Variants in SEMA3C observed in about 807,000 individuals in gnomAD.
SEMA3C encodes the protein semaphorin-3C.
Under a neutral mutation model 89.4 loss-of-function variants are expected in SEMA3C, and 47 were observed. The ratio of observed to expected loss-of-function variants is 0.53; its 90% CI spans 0.42 to 0.67. The LOEUF (loss-of-function observed/expected upper bound fraction) is 0.67. Ranked by LOEUF, SEMA3C falls within the 30% of genes least tolerant of loss-of-function variation. The pLI is 0.00. For missense variants in SEMA3C, 839 were observed against 929.1 expected, an observed-to-expected ratio of 0.90 and a Z score of 1.26; for synonymous variants, 310 against 320.2, an observed-to-expected ratio of 0.97 and a Z score of 0.34.
intron 2 of SEMA3C, among the ~76,000 whole-genome samples, chr7:80,840,984 C>T (rs897143893): frequency 6.6e-6 from 1 of 152,046 alleles, no homozygotes; most frequent in African/African-American, 2.4e-5. Flanking sequence ...TAGAAACCCT[C>T]AGGTGGGAGA....
chr7:80,813,530 C>A (rs1478608936), intron 5 of SEMA3C, among the ~76,000 whole-genome samples: 3 of 152,198 alleles, frequency 2.0e-5, no homozygotes, highest in African/African-American at 7.2e-5. Context: ...ACTAAACACA[C>A]AAATATCATA....
At chr7:80,917,658 C>T (rs1280830019) in intron 1 of SEMA3C, among the ~76,000 whole-genome samples, 1 of 152,156 alleles carries the variant, frequency 6.6e-6, no homozygotes, top group Middle Eastern at 3.2e-3. Flanking sequence ...TAATGTGTTA[C>T]CATAAACCTA....
At chr7:80,887,091 T>A (rs1342378068) in intron 2 of SEMA3C, among the ~76,000 whole-genome samples, 1 of 152,182 alleles carries the variant, frequency 6.6e-6, no homozygotes, top group Non-Finnish European at 1.5e-5. Flanking sequence ...AATTAAAATA[T>A]TCCCTTAAAA....
At chr7:80,822,052 G>A (rs1409222628) in intron 4 of SEMA3C, among the ~76,000 whole-genome samples, 3 of 152,168 alleles carry the variant, frequency 2.0e-5, no homozygotes, top group African/African-American at 4.8e-5. Context: ...CTTCGTTTCT[G>A]ACCTAGACTA....
intron 13 of SEMA3C, 119 bp from the exon 14 acceptor site, chr7:80,761,776 C>T: frequency 3.6e-6 from 2 of 561,532 alleles, no homozygotes; most frequent in Admixed American, 3.7e-5. Flanking sequence ...TATACATCTA[C>T]TTTAAAATTA....
chr7:80,891,372 C>T (rs553299537), intron 2 of SEMA3C, among the ~76,000 whole-genome samples: 4 of 152,198 alleles, frequency 2.6e-5, no homozygotes, highest in East Asian at 3.9e-4. Context: ...CTCCCTCCCC[C>T]ATAATACTTC....
intron 2 of SEMA3C, among the ~76,000 whole-genome samples, chr7:80,834,096 A>G (rs1158154822): frequency 6.6e-6 from 1 of 152,134 alleles, no homozygotes; most frequent in Admixed American, 6.6e-5. Flanking sequence ...CAATTAACGA[A>G]TAAGGGACTC....
At chr7:80,833,001 C>G (rs186031000) in intron 2 of SEMA3C, among the ~76,000 whole-genome samples, 1 of 152,110 alleles carries the variant, frequency 6.6e-6, no homozygotes, top group East Asian at 1.9e-4. Flanking sequence ...TTATTTTTTT[C>G]TTTTCCCTTT....
intron 2 of SEMA3C, among the ~76,000 whole-genome samples, chr7:80,863,941 TAA>T (rs1790860474): frequency 7.8e-6 from 1 of 128,632 alleles, no homozygotes; most frequent in Admixed American, 7.6e-5. Context: ...ATCACATATA[TAA>T]TATGTATATC....
At position 80,758,324 on chromosome 7, in the gene SEMA3C, T is replaced by G; in HGVS notation, c.1643+7A>C. On this transcript the variant is annotated splice_region_variant and intron_variant, in intron 15 of 17. Coordinates refer to ENST00000265361, the MANE Select transcript of SEMA3C (RefSeq NM_006379.5). ...TTTGGATGTTGAGCCGAGTGTTTAGTGCTCACCGTTTCCCAGTTGGGTAGA... is the reference window on the plus strand; with the variant it reads ...TTTGGATGTTGAGCCGAGTGTTTAGGGCTCACCGTTTCCCAGTTGGGTAGA... 6.2e-7 allele frequency: 1 copy of G among 1,611,948 alleles called. No individual in the cohort carries two copies. The highest frequency in any genetic ancestry group is 1.1e-5 in the South Asian group (1 of 90,938).
intron 2 of SEMA3C, among the ~76,000 whole-genome samples, chr7:80,912,088 T>C (rs1213345975): frequency 6.6e-6 from 1 of 152,212 alleles, no homozygotes; most frequent in Non-Finnish European, 1.5e-5. Context: ...TATCATTTAT[T>C]GGCAACAGAA....
At chr7:80,842,428 G>A (rs1466366735) in intron 2 of SEMA3C, among the ~76,000 whole-genome samples, 4 of 152,114 alleles carry the variant, frequency 2.6e-5, no homozygotes, top group African/African-American at 7.2e-5. Flanking sequence ...AAGAAGAATA[G>A]CAGAATATGA....
At chr7:80,869,956 C>A (rs1791016879) in intron 2 of SEMA3C, among the ~76,000 whole-genome samples, 1 of 152,164 alleles carries the variant, frequency 6.6e-6, no homozygotes. Context: ...TGCCTTATTA[C>A]CAAAGTTTAT....
chr7:80,761,065 A>C (rs1293471052), intron 14 of SEMA3C, among the ~76,000 whole-genome samples: 2 of 152,140 alleles, frequency 1.3e-5, no homozygotes, highest in Non-Finnish European at 2.9e-5. Flanking sequence ...TGAGGATTTC[A>C]ATTACAATCA....
intron 16 of SEMA3C, among the ~76,000 whole-genome samples, chr7:80,750,503 T>TACAC (rs1281284786): frequency 1.3e-5 from 1 of 76,008 alleles, no homozygotes; most frequent in African/African-American, 4.7e-5. Flanking sequence ...CACACACACA[T>TACAC]ACACACACAC....
At chr7:80,813,580 A>T (rs1011873499) in intron 5 of SEMA3C, among the ~76,000 whole-genome samples, 2 of 152,220 alleles carry the variant, frequency 1.3e-5, no homozygotes, top group Admixed American at 1.3e-4. Context: ...CCACTAATAC[A>T]TGAGACTAGT....
chr7:80,759,797 C>A (rs1198876601), intron 14 of SEMA3C, among the ~76,000 whole-genome samples: 1 of 152,152 alleles, frequency 6.6e-6, no homozygotes, highest in African/African-American at 2.4e-5. Flanking sequence ...TTGAAACATT[C>A]AAACTACAAG....
intron 2 of SEMA3C, among the ~76,000 whole-genome samples, chr7:80,830,516 T>C (rs1789985240): frequency 6.6e-6 from 1 of 152,222 alleles, no homozygotes; most frequent in African/African-American, 2.4e-5. Context: ...CATAATCTTA[T>C]AGCCTCAAAT....
chr7:80,802,630 T>C, intron 9 of SEMA3C, 35 bp downstream of exon 9: 1 of 1,430,570 alleles, frequency 7.0e-7, no homozygotes, highest in Non-Finnish European at 9.8e-7. Flanking sequence ...ACAAGCCTTC[T>C]TTCAGAAGCA....
Sources: gnomAD v4.1 joint callset for allele counts (sites outside exome capture counted in the v4.1 genomes callset) on GRCh38, gnomAD v4.1.1 for gene constraint, MANE v1.5 for transcripts, NCBI Gene and HGNC (gene_info 2026-07-23, HGNC 2026-07-21) for gene names.